Variants in ZNF804A observed in about 807,000 individuals in gnomAD.
The protein encoded by ZNF804A is zinc finger protein 804A.
Under a neutral mutation model 16.5 loss-of-function variants are expected in ZNF804A, and 2 were observed. The observed-to-expected ratio is 0.12, with a 90% CI of 0.05 to 0.38. ZNF804A has a LOEUF of 0.38. ZNF804A is among the 10% of genes least tolerant of loss of function. The pLI is 0.99. For missense variants in ZNF804A, 1,473 were observed against 1,390.7 expected (o/e 1.06, Z -0.94); for synonymous variants, 534 against 489.6 (o/e 1.09, Z -1.20).
chr2:184,937,655 T>C lies in ZNF804A; in HGVS notation c.2259T>C (p.Ala753=). The C allele has an allele frequency of 6.2e-7, 1 of 1,614,028 alleles. No individual in the cohort carries two copies. Among genetic ancestry groups the C allele is most frequent in the Non-Finnish European group, 8.5e-7 (1 of 1,179,958 alleles). The change falls in exon 4 of 4, where the codon GCT becomes GCC. Residue 753 remains alanine, a synonymous_variant. Transcript: ENST00000302277. Reference sequence around the variant, plus strand: ...TGAAACACATGAGTCAGAATCAGGCTGTTAAAAGAGGTTACAATTCTGTCA... The same window carrying C: ...TGAAACACATGAGTCAGAATCAGGCCGTTAAAAGAGGTTACAATTCTGTCA... The part of the protein sequence containing the change: ...NDMKHMSQNQ[A]VKRGYNSVMN...
chr2:184,937,821 A>G lies in ZNF804A; in HGVS notation c.2425A>G (p.Lys809Glu), dbSNP rs759206984. Residue 809 changes from lysine (K) to glutamate (E), a missense_variant, in exon 4 of 4, where the codon AAA (lysine) becomes GAA (glutamate). Lys to Glu is a moderately conservative substitution (Grantham distance 56). Coordinates refer to ENST00000302277, the MANE Select transcript of ZNF804A (RefSeq NM_194250.2). The stretch of plus-strand genomic sequence containing the variant: ...TACTTCAGTTGCTCCCTGCAAGCCT[A>G]AAAAGAAACGGAGGCGAAAAAGAGG... ...PSTSVAPCKP[K>E]KKRRRKRGRF... 2.0e-5 allele frequency: 32 copies of G among 1,614,040 alleles called. No individual in the cohort carries two copies. Among genetic ancestry groups the G allele is most frequent in the Non-Finnish European group, 2.7e-5 (32 of 1,180,006 alleles).
intron 1 of ZNF804A, among the ~76,000 whole-genome samples, chr2:184,741,831 C>A (rs1258614546): frequency 1.3e-4 from 20 of 152,064 alleles, no homozygotes; most frequent in Non-Finnish European, 2.9e-5. Flanking sequence ...GGTCATTCTT[C>A]TAGAAGCAAA....
At chr2:184,612,617 T>C (rs1183050832) in intron 1 of ZNF804A, among the ~76,000 whole-genome samples, 1 of 152,060 alleles carries the variant, frequency 6.6e-6, no homozygotes, top group African/African-American at 2.4e-5. Context: ...GTATTTTTAG[T>C]AGAGACAGGG....
chr2:184,641,603 T>TTATTTAAAAAAGAA (rs1338668481), intron 1 of ZNF804A, among the ~76,000 whole-genome samples: 5 of 152,232 alleles, frequency 3.3e-5, no homozygotes, highest in Non-Finnish European at 7.3e-5. Context: ...ACTGTTTCAT[T>TTATTTAAAAAAGAA]ATAGTCCAGA....
intron 2 of ZNF804A, among the ~76,000 whole-genome samples, chr2:184,881,434 G>A (rs914352190): frequency 2.0e-5 from 3 of 151,746 alleles, no homozygotes; most frequent in South Asian, 2.1e-4. Context: ...AAGATACTAC[G>A]TGAGAAAACA....
chr2:184,718,969 C>G (rs1302474249), intron 1 of ZNF804A, among the ~76,000 whole-genome samples: 3 of 152,102 alleles, frequency 2.0e-5, no homozygotes, highest in African/African-American at 7.2e-5. Context: ...ATTACCTTGC[C>G]CTTCCCCCAC....
intron 1 of ZNF804A, among the ~76,000 whole-genome samples, chr2:184,600,700 GAA>G (rs148323086): frequency 6.0e-5 from 9 of 151,178 alleles, no homozygotes; most frequent in Admixed American, 3.3e-4. Flanking sequence ...GGGGTTTATA[GAA>G]AAAAAAAGTT....
chr2:184,683,288 A>G (rs981452431), intron 1 of ZNF804A, among the ~76,000 whole-genome samples: 2 of 152,156 alleles, frequency 1.3e-5, no homozygotes, highest in Non-Finnish European at 2.9e-5. Flanking sequence ...TGGGGGATAT[A>G]CACTTTTTTT....
intron 1 of ZNF804A, 56 bp from the exon 2 acceptor site, chr2:184,866,313 C>T: frequency 6.4e-7 from 1 of 1,571,460 alleles, no homozygotes. Context: ...ACTGCTAAAA[C>T]AAAGTAAACA....
intron 1 of ZNF804A, among the ~76,000 whole-genome samples, chr2:184,731,239 T>C (rs1336857735): frequency 1.0e-5 from 1 of 97,836 alleles, no homozygotes; most frequent in Admixed American, 1.8e-4. Context: ...CAACAAGAGC[T>C]AGGCTCCGTC....
At chr2:184,868,209 C>A (rs561696919) in intron 2 of ZNF804A, among the ~76,000 whole-genome samples, 1 of 152,162 alleles carries the variant, frequency 6.6e-6, no homozygotes, top group East Asian at 1.9e-4. Flanking sequence ...TGGTAGACAG[C>A]ACAGTCCTAA....
At chr2:184,621,958 G>T (rs577098412) in intron 1 of ZNF804A, among the ~76,000 whole-genome samples, 3 of 151,708 alleles carry the variant, frequency 2.0e-5, no homozygotes, top group Non-Finnish European at 4.4e-5. Context: ...CCTGAGTTTG[G>T]TTTTTGATGT....
Position 184,658,173 on chromosome 2 carries a change from C to T in ZNF804A, c.111+59103C>T, listed in dbSNP as rs753927289. Among the ~76,000 whole-genome samples the T allele has an allele frequency of 6.8e-4, 104 of 152,144 alleles. 1 individual carries two copies. Among genetic ancestry groups the T allele is most frequent in the Admixed American group, 2.0e-3 (30 of 15,278 alleles). On this transcript the variant is annotated intron_variant, in intron 1 of 3. Transcript: ENST00000302277. ...TTGTAGTAAGAATAATGAAAGTACA[C>T]ATAACACTGAGAAGTTTTTTTCCCC...
chr2:184,628,094 C>T (rs1452811217), intron 1 of ZNF804A, among the ~76,000 whole-genome samples: 4 of 152,130 alleles, frequency 2.6e-5, no homozygotes, highest in Non-Finnish European at 5.9e-5. Flanking sequence ...GCGGGCGGAT[C>T]ACCTCAGGTC....
rs1162872981 is a variant in ZNF804A, at chr2:184,829,906, A to AC, written c.112-36463_112-36462insC. ...TCAAAACCCTGTCTCTACCAAAAAAAAAAAAAAAAAAAAAAACAAAAACAA... is the reference window on the plus strand; with the variant it reads ...TCAAAACCCTGTCTCTACCAAAAAAACAAAAAAAAAAAAAAAACAAAAACAA... On this transcript the variant is annotated intron_variant, in intron 1 of 3. Coordinates refer to ENST00000302277, the MANE Select transcript of ZNF804A (RefSeq NM_194250.2). Among the ~76,000 whole-genome samples the AC allele has an allele frequency of 1.3e-3, 143 of 106,888 alleles. 2 individuals carry two copies. The highest frequency in any genetic ancestry group is 8.8e-3 in the African/African-American group (139 of 15,718). The allele number at this position is 106,888 out of a possible 152,430, so 70.1% of individuals were successfully genotyped here.
intron 1 of ZNF804A, among the ~76,000 whole-genome samples, chr2:184,702,474 G>A (rs1186131943): frequency 6.6e-6 from 1 of 151,892 alleles, no homozygotes; most frequent in Non-Finnish European, 1.5e-5. Context: ...TTCCAGTTCT[G>A]CCACTTTAAA....
chr2:184,763,155 G>A lies in ZNF804A; in HGVS notation c.112-103214G>A, dbSNP rs542985496. ...GATCTAAGATGCTACAGGATGAATC[G>A]TGTCCCCAAAAAGATATGTTGAAGT... On this transcript the variant is annotated intron_variant, in intron 1 of 3. Coordinates refer to ENST00000302277, the MANE Select transcript of ZNF804A (RefSeq NM_194250.2). Among the ~76,000 whole-genome samples the A allele has an allele frequency of 1.1e-3, 174 of 152,022 alleles. 1 individual carries two copies. Among genetic ancestry groups the A allele is most frequent in the African/African-American group, 4.0e-3 (166 of 41,486 alleles).
rs574037668 is a variant in ZNF804A, at chr2:184,936,850, C to T, written c.1454C>T (p.Ser485Phe). ...AAGCCAGACTTAAAAGATCTTTGTTCTCAGCAGAAGCAGGAAGACATTTGC... is the reference window on the plus strand; with the variant it reads ...AAGCCAGACTTAAAAGATCTTTGTTTTCAGCAGAAGCAGGAAGACATTTGC... ...KNKPDLKDLC[S>F]QQKQEDICMG... Residue 485 changes from serine (S) to phenylalanine (F), a missense_variant, in exon 4 of 4, where the codon TCT (serine) becomes TTT (phenylalanine). Ser to Phe is a radical substitution (Grantham distance 155). Coordinates refer to ENST00000302277, the MANE Select transcript of ZNF804A (RefSeq NM_194250.2). 1.9e-6 allele frequency: 3 copies of T among 1,612,924 alleles called. No homozygotes were observed. Among genetic ancestry groups the T allele is most frequent in the East Asian group, 4.5e-5 (2 of 44,852 alleles).
At chr2:184,642,784 G>A (rs1691813544) in intron 1 of ZNF804A, among the ~76,000 whole-genome samples, 3 of 152,102 alleles carry the variant, frequency 2.0e-5, no homozygotes, top group Admixed American at 1.3e-4. Context: ...AGTCTAAAGA[G>A]CACATTCTTA....
Sources: allele counts gnomAD v4.1 joint callset (sites outside exome capture counted in the v4.1 genomes callset), GRCh38; gene constraint gnomAD v4.1.1; transcripts MANE v1.5; gene names NCBI Gene and HGNC (gene_info 2026-07-23, HGNC 2026-07-21).